STPG2: variants seen among roughly 807,000 people sequenced by gnomAD.
STPG2 encodes the protein sperm-tail PG-rich repeat-containing protein 2.
A neutral mutation model predicts 54.2 loss-of-function variants in STPG2; 56 were observed. The ratio of observed to expected loss-of-function variants is 1.03; its 90% CI spans 0.83 to 1.29. The LOEUF is 1.29. Among genes scored for constraint, STPG2 ranks in the 50% most tolerant of loss-of-function variants. The pLI, the probability that STPG2 is intolerant of heterozygous loss-of-function variation, is 0.00. For synonymous variants in STPG2, 200 were observed against 181.8 expected (o/e 1.10, Z -0.81); for missense variants, 596 against 544.9 (o/e 1.09, Z -0.93).
chr4:97,693,032 G>T (rs2148990427), intron 10 of STPG2, among the ~76,000 whole-genome samples: 1 of 151,316 alleles, frequency 6.6e-6, no homozygotes, highest in South Asian at 2.1e-4. Context: ...AGCACTACAA[G>T]AACTGATACA....
chr4:97,755,868 C>A (rs1725712681), intron 9 of STPG2, among the ~76,000 whole-genome samples: 1 of 152,076 alleles, frequency 6.6e-6, no homozygotes, highest in African/African-American at 2.4e-5. Flanking sequence ...GGATAGAAGT[C>A]TTAGGAAAGA....
chr4:98,100,999 AG>A (rs546691579), intron 5 of STPG2, among the ~76,000 whole-genome samples: 94 of 152,216 alleles, frequency 6.2e-4, no homozygotes, highest in African/African-American at 2.2e-3. Flanking sequence ...CTTAATGTGC[AG>A]GAGAGGTACT....
chr4:97,852,769 T>G (rs542400222), intron 8 of STPG2, among the ~76,000 whole-genome samples: 37 of 152,070 alleles, frequency 2.4e-4, no homozygotes, highest in Middle Eastern at 6.8e-3. Context: ...AGACAAGGTA[T>G]GGAACAAGAA....
chr4:97,856,949 A>G (rs1209785822), intron 8 of STPG2, among the ~76,000 whole-genome samples: 1 of 151,864 alleles, frequency 6.6e-6, no homozygotes, highest in Non-Finnish European at 1.5e-5. Flanking sequence ...TCTTTATGTG[A>G]TGAATCACAT....
chr4:97,739,149 T>C (rs1231423681), intron 9 of STPG2, among the ~76,000 whole-genome samples: 1 of 152,052 alleles, frequency 6.6e-6, no homozygotes. Context: ...GAAATCAAGA[T>C]GTTCTTTGAA....
At chr4:97,848,736 G>T (rs1351834489) in intron 8 of STPG2, among the ~76,000 whole-genome samples, 1 of 151,724 alleles carries the variant, frequency 6.6e-6, no homozygotes, top group Non-Finnish European at 1.5e-5. Context: ...AGTTTTCCCA[G>T]CACCATTTAT....
At chr4:97,974,033 C>A in intron 6 of STPG2, among the ~76,000 whole-genome samples, 1 of 152,134 alleles carries the variant, frequency 6.6e-6, no homozygotes, top group East Asian at 1.9e-4. Context: ...AACACCAGCC[C>A]ATGAAAGCAT....
chr4:97,892,163 C>T (rs1172318775), intron 8 of STPG2, among the ~76,000 whole-genome samples: 1 of 152,052 alleles, frequency 6.6e-6, no homozygotes, highest in Admixed American at 6.6e-5. Context: ...TAGAATCAGA[C>T]AAAAGCAAGT....
At chr4:98,134,537 T>G (rs1024203318) in intron 1 of STPG2, 78 bp from the exon 2 acceptor site, 1 of 657,568 alleles carries the variant, frequency 1.5e-6, no homozygotes, top group African/African-American at 1.9e-5. Flanking sequence ...AAAATATATA[T>G]AATCATGAGT....
chr4:98,015,262 G>A (rs1434909708), intron 5 of STPG2, among the ~76,000 whole-genome samples: 1 of 152,032 alleles, frequency 6.6e-6, no homozygotes, highest in Non-Finnish European at 1.5e-5. Flanking sequence ...TCATCAGAGT[G>A]AACAGGCAGC....
At chr4:97,660,728 C>A (rs992719804) in intron 10 of STPG2, among the ~76,000 whole-genome samples, 4 of 151,844 alleles carry the variant, frequency 2.6e-5, no homozygotes, top group African/African-American at 9.7e-5. Context: ...TCATGTGATC[C>A]CCAAAAAACT....
intron 8 of STPG2, among the ~76,000 whole-genome samples, chr4:97,936,734 T>C (rs191729606): frequency 6.6e-6 from 1 of 152,346 alleles, no homozygotes; most frequent in African/African-American, 2.4e-5. Context: ...GCAGTGTTTC[T>C]GCTGAGAGCT....
intron 8 of STPG2, among the ~76,000 whole-genome samples, chr4:97,901,720 T>A (rs1470126743): frequency 6.6e-6 from 1 of 151,856 alleles, no homozygotes; most frequent in Non-Finnish European, 1.5e-5. Context: ...TGTAAAGAAT[T>A]AATACTGTCA....
chr4:98,129,876 GAC>G (rs1739933925), intron 2 of STPG2, among the ~76,000 whole-genome samples: 1 of 152,056 alleles, frequency 6.6e-6, no homozygotes, highest in South Asian at 2.1e-4. Context: ...TTTTTTCTGA[GAC>G]AGAGTTTTTG....
intron 4 of STPG2, among the ~76,000 whole-genome samples, chr4:97,485,952 C>T (rs912709000): frequency 6.6e-6 from 1 of 151,868 alleles, no homozygotes; most frequent in South Asian, 2.1e-4. Flanking sequence ...AAAAGACACC[C>T]TTTTCAACAA....
At chr4:97,607,271 C>T (rs80228687) in intron 10 of STPG2, among the ~76,000 whole-genome samples, 3 of 151,986 alleles carry the variant, frequency 2.0e-5, no homozygotes, top group African/African-American at 7.2e-5. Flanking sequence ...CTCTCTCTCT[C>T]CCTCTCTTTT....
At chr4:97,874,879 G>A (rs994154107) in intron 8 of STPG2, among the ~76,000 whole-genome samples, 3 of 151,736 alleles carry the variant, frequency 2.0e-5, no homozygotes, top group Non-Finnish European at 4.4e-5. Context: ...GACTCTCTCC[G>A]CCATATGAGG....
intron 10 of STPG2, among the ~76,000 whole-genome samples, chr4:97,572,022 G>A (rs150076893): frequency 2.0e-5 from 3 of 152,158 alleles, no homozygotes; most frequent in East Asian, 3.9e-4. Flanking sequence ...TGAAATAATC[G>A]CTCAAAATGA....
chr4:97,759,386 A>AT (rs757463852), intron 9 of STPG2, among the ~76,000 whole-genome samples: 21 of 152,294 alleles, frequency 1.4e-4, no homozygotes, highest in African/African-American at 5.1e-4. Flanking sequence ...ATTCTGCTGT[A>AT]TAAGGTACTT....
Sources: gnomAD v4.1 joint callset for allele counts (sites outside exome capture counted in the v4.1 genomes callset) on GRCh38, gnomAD v4.1.1 for gene constraint, MANE v1.5 for transcripts, NCBI Gene and HGNC (gene_info 2026-07-23, HGNC 2026-07-21) for gene names.